RGS6: variants seen among roughly 807,000 people sequenced by gnomAD.
RGS6 encodes regulator of G protein signaling 6, also known as regulator of G-protein signaling 6.
In RGS6, 30 loss-of-function variants were observed where a neutral mutation model predicts 78.5. The observed-to-expected ratio is 0.38, with a 90% confidence interval of 0.29 to 0.52. The LOEUF is 0.52. Ranked by LOEUF, RGS6 falls within the 20% of genes least tolerant of loss-of-function variation. RGS6 has a pLI of 0.85. For missense variants in RGS6, 495 were observed against 609.7 expected (o/e 0.81, Z 1.98); for synonymous variants, 206 against 206.0 (o/e 1.00, Z 0.00).
intron 3 of RGS6, among the ~76,000 whole-genome samples, chr14:72,386,516 C>T (rs528296271): frequency 9.9e-5 from 15 of 152,130 alleles, no homozygotes; most frequent in African/African-American, 3.1e-4. Context: ...CCAGCCTGAG[C>T]GACAGAGCGA....
At chr14:72,604,280 C>T in the RGS6 span, among the ~76,000 whole-genome samples, 11 of 152,168 alleles carry the variant, frequency 7.2e-5, 1 homozygote, top group Non-Finnish European at 1.0e-4. Context: ...CTAGAATAAA[C>T]GGAGGCGGGT....
At chr14:71,955,523 T>TA (rs2092716958) in intron 1 of RGS6, among the ~76,000 whole-genome samples, 1 of 152,134 alleles carries the variant, frequency 6.6e-6, no homozygotes, top group South Asian at 2.1e-4. Context: ...TTTATGGCTA[T>TA]TTCTTGATTA....
chr14:72,452,184 G>A (rs1197671458), intron 3 of RGS6, among the ~76,000 whole-genome samples: 1 of 151,794 alleles, frequency 6.6e-6, no homozygotes, highest in Non-Finnish European at 1.5e-5. Context: ...TAACTTGGAG[G>A]AAAGGGACAC....
chr14:72,092,491 C>T (rs1162247504), intron 2 of RGS6, among the ~76,000 whole-genome samples: 2 of 152,134 alleles, frequency 1.3e-5, no homozygotes, highest in Non-Finnish European at 1.5e-5. Flanking sequence ...AAGTGATGCT[C>T]ATGCCTCAGC....
At chr14:72,003,992 A>C (rs958833858) in intron 2 of RGS6, among the ~76,000 whole-genome samples, 1 of 151,986 alleles carries the variant, frequency 6.6e-6, no homozygotes, top group Non-Finnish European at 1.5e-5. Flanking sequence ...ATACTTTGCC[A>C]AACTTTGCTC....
chr14:72,597,288 T>C, the RGS6 span, among the ~76,000 whole-genome samples: 2 of 151,990 alleles, frequency 1.3e-5, no homozygotes, highest in Non-Finnish European at 2.9e-5. Context: ...GTGATAATAA[T>C]AGCATCGAAT....
Position 72,538,788 on chromosome 14 carries a change from A to AT in RGS6, c.1369-1249dup, listed in dbSNP as rs147986609. Among the ~76,000 whole-genome samples the AT allele has an allele frequency of 1.4e-4, 21 of 152,282 alleles. No homozygotes were observed. The East Asian group carries it at 3.7e-3, about 27-fold the overall frequency. ...TGTGGTGTTATGTCGTTTGTGTTGTATTTTCCTTCTGCAACCTCATATCTG... is the reference window on the plus strand; with the variant it reads ...TGTGGTGTTATGTCGTTTGTGTTGTATTTTTCCTTCTGCAACCTCATATCTG... On this transcript the variant is annotated intron_variant, in intron 16 of 17. Coordinates refer to ENST00000553525, the MANE Select transcript of RGS6 (RefSeq NM_001204424.2).
At chr14:72,295,330 T>G (rs2064574707) in intron 2 of RGS6, among the ~76,000 whole-genome samples, 1 of 151,506 alleles carries the variant, frequency 6.6e-6, no homozygotes, top group Admixed American at 6.6e-5. Context: ...AAATAAAATC[T>G]TATCTAGAAC....
intron 3 of RGS6, among the ~76,000 whole-genome samples, chr14:72,383,924 A>G (rs1425664335): frequency 1.3e-5 from 2 of 152,172 alleles, no homozygotes; most frequent in African/African-American, 2.4e-5. Context: ...CCTAGAAATT[A>G]TTTTGTTGAT....
chr14:72,166,036 A>T (rs1338015033), intron 2 of RGS6, among the ~76,000 whole-genome samples: 1 of 151,370 alleles, frequency 6.6e-6, no homozygotes, highest in Non-Finnish European at 1.5e-5. Flanking sequence ...GAATGTTGTA[A>T]AATTTATCTT....
chr14:72,321,827 T>A (rs551634365), intron 2 of RGS6, among the ~76,000 whole-genome samples: 1 of 152,080 alleles, frequency 6.6e-6, no homozygotes, highest in South Asian at 2.1e-4. Flanking sequence ...GTTACATATA[T>A]CAATCTATCC....
chr14:72,027,293 A>G (rs928192725), intron 2 of RGS6, among the ~76,000 whole-genome samples: 22 of 152,096 alleles, frequency 1.4e-4, no homozygotes, highest in African/African-American at 5.1e-4. Flanking sequence ...TATTGAAAGA[A>G]AGGGGATGGA....
chr14:72,620,361 A>G, the RGS6 span, among the ~76,000 whole-genome samples: 13 of 152,192 alleles, frequency 8.5e-5, no homozygotes, highest in Admixed American at 8.5e-4. Flanking sequence ...ATGACTTTAT[A>G]TATTTGAAGA....
chr14:72,089,213 A>G (rs1247407242), intron 2 of RGS6, among the ~76,000 whole-genome samples: 2 of 152,246 alleles, frequency 1.3e-5, no homozygotes, highest in Non-Finnish European at 2.9e-5. Flanking sequence ...TAAAAGCACA[A>G]TGGAAAATTA....
intron 2 of RGS6, among the ~76,000 whole-genome samples, chr14:72,271,919 A>ATT (rs2060002427): frequency 7.7e-6 from 1 of 129,476 alleles, no homozygotes; most frequent in African/African-American, 3.2e-5. Context: ...ACACAGCATC[A>ATT]CTTTTTTTTT....
the RGS6 span, among the ~76,000 whole-genome samples, chr14:71,868,177 C>T: frequency 6.6e-6 from 1 of 152,112 alleles, no homozygotes; most frequent in East Asian, 1.9e-4. Flanking sequence ...GGAGAGTTGA[C>T]TGTGTCCCGT....
chr14:72,136,072 T>G (rs963539728), intron 2 of RGS6, among the ~76,000 whole-genome samples: 2 of 152,130 alleles, frequency 1.3e-5, no homozygotes, highest in Non-Finnish European at 2.9e-5. Context: ...TGACGAAAAG[T>G]TTTTCTGAAT....
intron 4 of RGS6, 120 bp downstream of exon 4, chr14:72,454,698 A>T (rs185543783): frequency 4.4e-6 from 3 of 687,460 alleles, no homozygotes; most frequent in African/African-American, 1.8e-5. Flanking sequence ...GAATTCCAAG[A>T]CGTGGAATCA....
intron 2 of RGS6, among the ~76,000 whole-genome samples, chr14:72,056,497 A>C (rs2093628214): frequency 6.6e-6 from 1 of 152,212 alleles, no homozygotes; most frequent in African/African-American, 2.4e-5. Context: ...ATTTCTTATT[A>C]AAAATTGAGC....
Sources: gnomAD v4.1 joint callset for allele counts (sites outside exome capture counted in the v4.1 genomes callset) on GRCh38, gnomAD v4.1.1 for gene constraint, MANE v1.5 for transcripts, NCBI Gene and HGNC (gene_info 2026-07-23, HGNC 2026-07-21) for gene names.